Variants in STK33 observed in about 807,000 individuals in gnomAD.
The protein encoded by STK33 is serine/threonine-protein kinase 33.
A neutral mutation model predicts 58.0 loss-of-function variants in STK33; 52 were observed. The observed-to-expected ratio is 0.90, with a 90% CI of 0.72 to 1.13. The LOEUF is 1.13. STK33 is among the 50% of genes most tolerant of loss of function. The probability of loss-of-function intolerance (pLI) is 0.00; values close to 1 mark genes in which losing one functional copy is unlikely to be tolerated. For synonymous variants in STK33, 215 were observed against 200.1 expected (o/e 1.07, Z -0.63); for missense variants, 630 against 604.2 (o/e 1.04, Z -0.45).
At chr11:8,560,715 A>C (rs2140927999) in intron 1 of STK33, among the ~76,000 whole-genome samples, 1 of 152,270 alleles carries the variant, frequency 6.6e-6, no homozygotes, top group African/African-American at 2.4e-5. Context: ...CTGAATGCTT[A>C]CTTCAGGCCA....
intron 15 of STK33, among the ~76,000 whole-genome samples, chr11:8,403,614 A>AGAATAGTCAGTTCTATTGGAG (rs1938534634): frequency 6.6e-6 from 1 of 152,198 alleles, no homozygotes; most frequent in Non-Finnish European, 1.5e-5. Flanking sequence ...GGACAGTTGA[A>AGAATAGTCAGTTCTATTGGAG]GAATAGTCAG....
At chr11:8,358,916 G>A in the STK33 span, among the ~76,000 whole-genome samples, 49 of 152,164 alleles carry the variant, frequency 3.2e-4, no homozygotes, top group Non-Finnish European at 6.5e-4. Flanking sequence ...CCTTCCTCAC[G>A]TGATCAAAGT....
intron 15 of STK33, among the ~76,000 whole-genome samples, chr11:8,401,678 C>T (rs1227601229): frequency 6.6e-6 from 1 of 152,174 alleles, no homozygotes; most frequent in African/African-American, 2.4e-5. Context: ...TCAGAGTGAA[C>T]AGGCAACCTA....
At chr11:8,475,600 T>A (rs1323484199) in intron 4 of STK33, 2 of 152,184 alleles carry the variant, frequency 1.3e-5, no homozygotes, top group African/African-American at 4.8e-5. Flanking sequence ...AGTTTAAGTA[T>A]CCTCATAAGT....
chr11:8,489,257 C>CAAAAAAACAAAAAA (rs1950403518), intron 1 of STK33, among the ~76,000 whole-genome samples: 1 of 64,364 alleles, frequency 1.6e-5, no homozygotes, highest in East Asian at 3.4e-4. Flanking sequence ...AAGCTATCTC[C>CAAAAAAACAAAAAA]AAAAAAAAAA....
the STK33 span, among the ~76,000 whole-genome samples, chr11:8,346,560 G>A: frequency 6.6e-6 from 1 of 152,232 alleles, no homozygotes; most frequent in East Asian, 1.9e-4. Context: ...AGAAAGGTGG[G>A]GCAGGATATC....
At chr11:8,375,359 T>C in the STK33 span, among the ~76,000 whole-genome samples, 1 of 152,160 alleles carries the variant, frequency 6.6e-6, no homozygotes, top group Non-Finnish European at 1.5e-5. Flanking sequence ...CATGGCTACC[T>C]CAGAGGCAGG....
At chr11:8,340,690 C>T in the STK33 span, among the ~76,000 whole-genome samples, 5 of 152,186 alleles carry the variant, frequency 3.3e-5, no homozygotes, top group African/African-American at 9.7e-5. Flanking sequence ...CAGCCTGATC[C>T]CCATCTGAGT....
intron 15 of STK33, among the ~76,000 whole-genome samples, chr11:8,398,348 A>G (rs1212377078): frequency 6.6e-6 from 1 of 152,226 alleles, no homozygotes; most frequent in Non-Finnish European, 1.5e-5. Context: ...ACAATTTCAT[A>G]TCCAGCCAAA....
chr11:8,410,470 C>CTTT (rs11382344), intron 15 of STK33, among the ~76,000 whole-genome samples: 18,906 of 121,548 alleles, frequency 0.16, 1,728 homozygotes, highest in South Asian at 0.29. Context: ...CTTTTCTTTT[C>CTTT]TTTTTTTTTT....
chr11:8,390,101 C>G (rs953068590), downstream of STK33, among the ~76,000 whole-genome samples: 1 of 152,074 alleles, frequency 6.6e-6, no homozygotes, highest in African/African-American at 2.4e-5. Context: ...CCCCATTTTC[C>G]TTCCTTCTCT....
At chr11:8,554,800 G>A (rs1447614687) in intron 1 of STK33, among the ~76,000 whole-genome samples, 3 of 151,908 alleles carry the variant, frequency 2.0e-5, no homozygotes, top group Admixed American at 6.6e-5. Context: ...AAGGAGATCT[G>A]CACTGCCATG....
chr11:8,405,130 C>T (rs1938876457), intron 15 of STK33, among the ~76,000 whole-genome samples: 3 of 152,100 alleles, frequency 2.0e-5, no homozygotes, highest in Admixed American at 2.0e-4. Context: ...AGCAAGACTC[C>T]ATCACACACA....
chr11:8,385,875 C>T, the STK33 span, among the ~76,000 whole-genome samples: 12 of 152,094 alleles, frequency 7.9e-5, no homozygotes, highest in African/African-American at 2.2e-4. Context: ...CCCGGGTTCA[C>T]GCCATTCTCC....
At chr11:8,568,884 T>A (rs1957618996) in intron 1 of STK33, among the ~76,000 whole-genome samples, 1 of 152,162 alleles carries the variant, frequency 6.6e-6, no homozygotes, top group African/African-American at 2.4e-5. Context: ...ACAGTAACAA[T>A]TCAGTTCCAC....
At chr11:8,430,231 T>C (rs1031309898) in intron 14 of STK33, among the ~76,000 whole-genome samples, 1 of 152,340 alleles carries the variant, frequency 6.6e-6, no homozygotes. Context: ...TCTCTGAATA[T>C]ACTTCATATT....
the STK33 span, among the ~76,000 whole-genome samples, chr11:8,339,745 A>G: frequency 6.6e-6 from 1 of 152,218 alleles, no homozygotes; most frequent in Non-Finnish European, 1.5e-5. Context: ...TGGTCGCCAC[A>G]TCGGGGAGAG....
intron 1 of STK33, among the ~76,000 whole-genome samples, chr11:8,569,783 C>A (rs1252699460): frequency 1.3e-5 from 2 of 151,866 alleles, no homozygotes; most frequent in Admixed American, 6.6e-5. Flanking sequence ...ATGGCAAAAC[C>A]CCATCTCTAC....
intron 5 of STK33, among the ~76,000 whole-genome samples, chr11:8,473,772 G>A (rs1319346765): frequency 6.6e-6 from 1 of 152,156 alleles, no homozygotes; most frequent in South Asian, 2.1e-4. Flanking sequence ...AACATATGAA[G>A]AAGGCAAAAT....
Sources: allele counts gnomAD v4.1 joint callset (sites outside exome capture counted in the v4.1 genomes callset), GRCh38; gene constraint gnomAD v4.1.1; transcripts MANE v1.5; gene names NCBI Gene and HGNC (gene_info 2026-07-23, HGNC 2026-07-21).